GAB1: variants seen among roughly 807,000 people sequenced by gnomAD.
The protein encoded by GAB1 is GRB2 associated binding protein 1, also known as GRB2-associated-binding protein 1.
A neutral mutation model predicts 66.5 loss-of-function variants in GAB1; 19 were observed. That is an observed-to-expected ratio of 0.29 (90% CI 0.20 to 0.42). The LOEUF is 0.42. Among genes scored for constraint, GAB1 ranks in the 10% least tolerant of loss-of-function variants. GAB1 has a pLI of 1.00. For missense variants in GAB1, 732 were observed against 858.5 expected (o/e 0.85, Z 1.84); for synonymous variants, 294 against 301.4 (o/e 0.98, Z 0.25).
chr4:143,376,678 A>G (rs900164016), intron 1 of GAB1: 2 of 152,074 alleles, frequency 1.3e-5, no homozygotes, highest in Non-Finnish European at 2.9e-5. Context: ...TTACTAAGAA[A>G]TCTCACATAA....
intron 1 of GAB1, among the ~76,000 whole-genome samples, chr4:143,411,372 G>A (rs1279538765): frequency 6.6e-6 from 1 of 152,166 alleles, no homozygotes; most frequent in East Asian, 1.9e-4. Flanking sequence ...TACAAAATAA[G>A]TTTTTACATA....
chr4:143,408,738 A>G (rs143719304), intron 1 of GAB1, among the ~76,000 whole-genome samples: 95 of 152,340 alleles, frequency 6.2e-4, no homozygotes, highest in Non-Finnish European at 1.0e-3. Flanking sequence ...CAACCCCGAC[A>G]TTTTACAGAT....
At chr4:143,387,681 G>A (rs1730981693) in intron 1 of GAB1, among the ~76,000 whole-genome samples, 2 of 152,024 alleles carry the variant, frequency 1.3e-5, no homozygotes, top group African/African-American at 4.8e-5. Context: ...GACTTCTTAC[G>A]GGTCTCCCTG....
chr4:143,447,387 G>T (rs1473400150), intron 6 of GAB1, among the ~76,000 whole-genome samples: 1 of 152,184 alleles, frequency 6.6e-6, no homozygotes, highest in Non-Finnish European at 1.5e-5. Flanking sequence ...ACCTTGGGCA[G>T]TATGGCTGTT....
At position 143,438,214 on chromosome 4, in the gene GAB1, T is replaced by C. The variant is rs1242449452; in HGVS notation, c.809T>C (p.Leu270Ser). The C allele has an allele frequency of 5.9e-5, 95 of 1,614,038 alleles. No homozygotes were observed. The East Asian group carries it at 2.1e-3, about 36-fold the overall frequency. The change falls in exon 4 of 10, where the codon TTA (leucine) becomes TCA (serine). Residue 270 changes from leucine (L) to serine (S), a missense_variant. Transcript: ENST00000262994. ...NLPRSYSHDV[L>S]PKVSPSSTEA... ...CCCAGGAGTTATTCCCATGATGTTTTACCAAAGGTGTCTCCATCAAGTACT... is the reference window on the plus strand; with the variant it reads ...CCCAGGAGTTATTCCCATGATGTTTCACCAAAGGTGTCTCCATCAAGTACT...
intron 1 of GAB1, chr4:143,349,278 C>T (rs1486046877): frequency 3.2e-5 from 35 of 1,099,890 alleles, no homozygotes; most frequent in Non-Finnish European, 4.1e-5. Context: ...AAAAACCCTA[C>T]GTTGTAGCCA....
chr4:143,455,791 T>G (rs1209135157), intron 6 of GAB1, among the ~76,000 whole-genome samples: 1 of 152,244 alleles, frequency 6.6e-6, no homozygotes, highest in Admixed American at 6.5e-5. Flanking sequence ...CACAGAGTGC[T>G]GCAAGATCTC....
At chr4:143,359,051 G>T (rs1008865380) in intron 1 of GAB1, among the ~76,000 whole-genome samples, 2 of 152,106 alleles carry the variant, frequency 1.3e-5, no homozygotes, top group African/African-American at 4.8e-5. Context: ...TTGGTAGGTT[G>T]GTTATAAACT....
At chr4:143,384,258 C>A (rs1730792595) in intron 1 of GAB1, among the ~76,000 whole-genome samples, 1 of 152,116 alleles carries the variant, frequency 6.6e-6, no homozygotes, top group Non-Finnish European at 1.5e-5. Context: ...GCTGTATAAT[C>A]CTTGGTATAG....
intron 1 of GAB1, among the ~76,000 whole-genome samples, chr4:143,400,557 A>C (rs1221107816): frequency 6.6e-6 from 1 of 151,630 alleles, no homozygotes; most frequent in Non-Finnish European, 1.5e-5. Context: ...CTAGCTGAAG[A>C]CTTTTTATTT....
At chr4:143,351,763 A>G (rs1729236049) in intron 1 of GAB1, among the ~76,000 whole-genome samples, 1 of 152,164 alleles carries the variant, frequency 6.6e-6, no homozygotes, top group Admixed American at 6.5e-5. Flanking sequence ...GGAGGGAGGA[A>G]TGCTTCTGGT....
chr4:143,464,475 C>T (rs1735676514), intron 8 of GAB1, among the ~76,000 whole-genome samples: 1 of 152,150 alleles, frequency 6.6e-6, no homozygotes, highest in Non-Finnish European at 1.5e-5. Context: ...GGTGGTCCGC[C>T]CGCCTCAGCC....
rs1166338807 is a variant in GAB1 at position 143,365,119 on chromosome 4, C to T, written c.72+27859C>T. Among the ~76,000 whole-genome samples, 12 of 151,810 alleles carry T rather than the reference C, an allele frequency of 7.9e-5. No homozygotes were observed. The South Asian group carries it at 2.3e-3, about 29-fold the overall frequency. ...GTCTCGATCTCCTGACCTTGTGATCCGCCCGCCTCTGCCTCCCAAAGTGCT... is the reference window on the plus strand; with the variant it reads ...GTCTCGATCTCCTGACCTTGTGATCTGCCCGCCTCTGCCTCCCAAAGTGCT... On this transcript the variant is annotated intron_variant, in intron 1 of 9. Coordinates refer to ENST00000262994, the MANE Select transcript of GAB1 (RefSeq NM_002039.4).
chr4:143,458,897 GT>G (rs1438895469), intron 6 of GAB1, among the ~76,000 whole-genome samples: 3 of 151,804 alleles, frequency 2.0e-5, no homozygotes, highest in Non-Finnish European at 4.4e-5. Context: ...TCAGTTTGGG[GT>G]TTTAACAAAG....
chr4:143,417,203 A>G (rs1228176955), intron 2 of GAB1, among the ~76,000 whole-genome samples: 3 of 152,170 alleles, frequency 2.0e-5, no homozygotes, highest in Non-Finnish European at 4.4e-5. Context: ...TTAGGGACTT[A>G]GGAAAGAACA....
intron 8 of GAB1, among the ~76,000 whole-genome samples, chr4:143,463,964 A>G (rs1735641037): frequency 6.6e-6 from 1 of 152,222 alleles, no homozygotes; most frequent in African/African-American, 2.4e-5. Context: ...TTTCTTTTAT[A>G]GCCTTGTAAT....
At chr4:143,421,705 T>TTTC (rs1430326125) in intron 2 of GAB1, among the ~76,000 whole-genome samples, 1 of 149,084 alleles carries the variant, frequency 6.7e-6, no homozygotes, top group African/African-American at 2.4e-5. Context: ...TTTCTTTTTT[T>TTTC]TTTTTTTTGC....
chr4:143,373,864 A>ATATATATATATATATATATAT (rs1553945752), intron 1 of GAB1, among the ~76,000 whole-genome samples: 3 of 50,836 alleles, frequency 5.9e-5, no homozygotes, highest in African/African-American at 2.1e-4. Context: ...TCTGTAAATA[A>ATATATATATATATATATATAT]ATAAATATAT....
chr4:143,408,900 G>A (rs140654617), intron 1 of GAB1, among the ~76,000 whole-genome samples: 109 of 152,274 alleles, frequency 7.2e-4, no homozygotes, highest in African/African-American at 2.3e-3. Flanking sequence ...AAAAGAGCGG[G>A]TTAGTAAAAT....
Sources: gnomAD v4.1 joint callset for allele counts (sites outside exome capture counted in the v4.1 genomes callset) on GRCh38, gnomAD v4.1.1 for gene constraint, MANE v1.5 for transcripts, NCBI Gene and HGNC (gene_info 2026-07-23, HGNC 2026-07-21) for gene names.